The following TASOR variants were observed in gnomAD, a reference collection of about 807,000 sequenced individuals.
TASOR encodes transcription activation suppressor, also known as protein TASOR.
In TASOR, 53 loss-of-function variants were observed where a neutral mutation model predicts 178.6. The ratio of observed to expected loss-of-function variants is 0.30; its 90% confidence interval spans 0.24 to 0.37. The LOEUF (loss-of-function observed/expected upper bound fraction) is 0.37, where lower values mean the gene tolerates loss of function less well. TASOR is among the 10% of genes least tolerant of loss of function. TASOR has a pLI of 1.00. For synonymous variants in TASOR, 713 were observed against 696.2 expected (o/e 1.02, Z -0.38); for missense variants, 1,815 against 1,971.4 (o/e 0.92, Z 1.50).
At chr3:56,638,654 G>C (rs533446619) in intron 17 of TASOR, 52 bp downstream of exon 17, 1 of 1,588,244 alleles carries the variant, frequency 6.3e-7, no homozygotes, top group Non-Finnish European at 8.6e-7. Flanking sequence ...AATGCAAGTA[G>C]CAACTCTGAA....
At chr3:56,634,943 T>C (rs2076987238) in intron 17 of TASOR, among the ~76,000 whole-genome samples, 1 of 152,220 alleles carries the variant, frequency 6.6e-6, no homozygotes, top group Admixed American at 6.5e-5. Flanking sequence ...TCATGATCTT[T>C]GCTTAGAAGA....
chr3:56,662,718 A>G (rs1319519922), intron 8 of TASOR, among the ~76,000 whole-genome samples: 1 of 152,226 alleles, frequency 6.6e-6, no homozygotes, highest in Non-Finnish European at 1.5e-5. Context: ...TGCAAAGAAT[A>G]ACAAATGTAT....
chr3:56,675,174 T>A (rs1015509064), intron 1 of TASOR, among the ~76,000 whole-genome samples: 1 of 142,636 alleles, frequency 7.0e-6, no homozygotes, highest in African/African-American at 2.7e-5. Context: ...TACATCCCAC[T>A]GAATTTTTTT....
At position 56,646,727 on chromosome 3, in the gene TASOR, T is replaced by C. The variant is rs147193287; in HGVS notation, c.2010A>G (p.Ser670=). ...CCTTATCATAATCCAAAGAATGAGA[T>C]GATCTTTGCTTTCCAGATATAATGG... ...GEAIISGKQR[S]SHSLDYDKDR... is the part of the protein sequence containing the mutation. Residue 670 remains serine (S), a synonymous_variant, in exon 14 of 24, where the codon TCA becomes TCG. Coordinates refer to ENST00000683822, the MANE Select transcript of TASOR (RefSeq NM_001365635.2). 7.4e-6 allele frequency: 12 copies of C among 1,613,824 alleles called. No individual in the cohort carries two copies. The African/African-American group carries it at 1.6e-4, about 22-fold the overall frequency.
rs2076614577 is a variant in TASOR at position 56,621,458 on chromosome 3, A to G, written c.*1579T>C. ...AGCGATATGTTTTCCAAGTGAATAT[A>G]ATTCTAGTTTAACACAACATTGCAA... On this transcript the variant is annotated 3_prime_UTR_variant, in exon 24 of 24. Coordinates refer to ENST00000683822, the MANE Select transcript of TASOR (RefSeq NM_001365635.2). 1 of 1,012,146 alleles carries G rather than the reference A, an allele frequency of 9.9e-7. No individual in the cohort carries two copies. Among genetic ancestry groups the G allele is most frequent in the Non-Finnish European group, 1.4e-6 (1 of 693,456 alleles). The allele number at this position is 1,012,146 out of a possible 1,614,324, so 62.7% of individuals were successfully genotyped here. A position where few individuals can be genotyped will look rare whatever the true frequency, so the allele number is the denominator to read the frequency against.
At chr3:56,676,038 C>T (rs984086200) in intron 1 of TASOR, among the ~76,000 whole-genome samples, 6 of 152,154 alleles carry the variant, frequency 3.9e-5, no homozygotes, top group African/African-American at 1.2e-4. Flanking sequence ...CAGGAGTAAG[C>T]TCAAACAAGT....
At chr3:56,654,260 T>C (rs2077421817) in intron 11 of TASOR, among the ~76,000 whole-genome samples, 1 of 151,050 alleles carries the variant, frequency 6.6e-6, no homozygotes, top group Non-Finnish European at 1.5e-5. Flanking sequence ...AGAGCGAAAC[T>C]CTGTCTCAAA....
intron 23 of TASOR, chr3:56,623,896 T>C (rs2076742327): frequency 6.9e-7 from 1 of 1,447,358 alleles, no homozygotes; most frequent in South Asian, 1.3e-5. Flanking sequence ...AAATAAAATT[T>C]TTTGACATCT....
intron 11 of TASOR, among the ~76,000 whole-genome samples, chr3:56,656,568 G>A (rs773975111): frequency 5.3e-5 from 8 of 151,892 alleles, no homozygotes. Context: ...TCCAGCCTGG[G>A]TGACAGAGCG....
intron 1 of TASOR, among the ~76,000 whole-genome samples, chr3:56,679,523 C>T (rs2031608159): frequency 6.6e-6 from 1 of 152,160 alleles, no homozygotes; most frequent in African/African-American, 2.4e-5. Context: ...GCTCCAATGA[C>T]TTCAAAAAGG....
chr3:56,630,883 T>C (rs1055430352), intron 18 of TASOR, among the ~76,000 whole-genome samples: 4 of 126,960 alleles, frequency 3.2e-5, no homozygotes, highest in African/African-American at 1.2e-4. Context: ...CAAATAGGTA[T>C]GTGTTACAAA....
At chr3:56,678,872 G>A (rs962375236) in intron 1 of TASOR, among the ~76,000 whole-genome samples, 2 of 152,056 alleles carry the variant, frequency 1.3e-5, no homozygotes, top group Non-Finnish European at 2.9e-5. Context: ...TTAGCTGGGC[G>A]TGGTGGCACA....
At chr3:56,673,754 G>T in intron 1 of TASOR, 29 bp from the exon 2 acceptor site, 1 of 1,517,248 alleles carries the variant, frequency 6.6e-7, no homozygotes, top group Non-Finnish European at 8.9e-7. Context: ...CATTTAAAAT[G>T]TTTAACATTA....
intron 2 of TASOR, among the ~76,000 whole-genome samples, chr3:56,672,110 ATTCTCAATGCCAAGC>A (rs926750398): frequency 1.3e-5 from 2 of 152,218 alleles, no homozygotes; most frequent in African/African-American, 4.8e-5. Flanking sequence ...CTGTAACTGT[ATTCTCAATGCCAAGC>A]ACATAAGATG....
intron 14 of TASOR, among the ~76,000 whole-genome samples, chr3:56,644,685 G>A (rs185981551): frequency 1.5e-5 from 2 of 136,626 alleles, no homozygotes; most frequent in African/African-American, 5.6e-5. Context: ...ACTGAAACGG[G>A]TGCAAGAAGG....
intron 3 of TASOR, among the ~76,000 whole-genome samples, chr3:56,670,531 C>T (rs1180466396): frequency 6.6e-6 from 1 of 152,072 alleles, no homozygotes; most frequent in Admixed American, 6.6e-5. Flanking sequence ...TTCTTCATGC[C>T]AGGTGTGACA....
intron 11 of TASOR, among the ~76,000 whole-genome samples, chr3:56,654,584 T>C (rs1045627662): frequency 2.0e-5 from 3 of 152,142 alleles, no homozygotes; most frequent in Non-Finnish European, 4.4e-5. Flanking sequence ...TGGGTGTTCC[T>C]GTCAAGCTAT....
chr3:56,623,745 C>T (rs2076739222), intron 23 of TASOR, 179 bp from the exon 24 acceptor site: 1 of 1,549,310 alleles, frequency 6.5e-7, no homozygotes, highest in Non-Finnish European at 8.7e-7. Flanking sequence ...TGTGAATGTC[C>T]AGATAATCCG....
At chr3:56,642,094 A>G (rs1176844037) in intron 14 of TASOR, among the ~76,000 whole-genome samples, 7 of 152,216 alleles carry the variant, frequency 4.6e-5, no homozygotes, top group Non-Finnish European at 1.0e-4. Flanking sequence ...TGTAATTACT[A>G]TTTTGCCAAT....
Sources: allele counts gnomAD v4.1 joint callset (sites outside exome capture counted in the v4.1 genomes callset), GRCh38; gene constraint gnomAD v4.1.1; transcripts MANE v1.5; gene names NCBI Gene and HGNC (gene_info 2026-07-23, HGNC 2026-07-21).